Variants in TDRD3 observed in about 807,000 individuals in gnomAD.
The protein encoded by TDRD3 is tudor domain-containing protein 3.
In TDRD3, 45 loss-of-function variants were observed where a neutral mutation model predicts 86.7. The observed-to-expected ratio is 0.52, with a 90% CI of 0.41 to 0.67. The LOEUF is 0.67. TDRD3 is among the 30% of genes least tolerant of loss of function. The probability of loss-of-function intolerance (pLI) is 0.00; values close to 1 mark genes in which losing one functional copy is unlikely to be tolerated. For missense variants in TDRD3, 814 were observed against 889.0 expected, an observed-to-expected ratio of 0.92 and a Z score of 1.07; for synonymous variants, 298 against 301.7, an observed-to-expected ratio of 0.99 and a Z score of 0.13.
intron 10 of TDRD3, among the ~76,000 whole-genome samples, chr13:60,513,054 G>A (rs1957093927): frequency 6.6e-6 from 1 of 152,226 alleles, no homozygotes; most frequent in African/African-American, 2.4e-5. Flanking sequence ...TGGCATTCAG[G>A]CATTTTCATA....
intron 1 of TDRD3, among the ~76,000 whole-genome samples, chr13:60,410,575 C>T (rs922925823): frequency 6.6e-6 from 1 of 152,182 alleles, no homozygotes; most frequent in Admixed American, 6.5e-5. Context: ...GGGGCCTCTA[C>T]TCCTAGGAAT....
At chr13:60,530,370 G>A (rs923951088) in intron 11 of TDRD3, among the ~76,000 whole-genome samples, 12 of 152,134 alleles carry the variant, frequency 7.9e-5, no homozygotes, top group African/African-American at 1.9e-4. Context: ...TAGTAAAAAC[G>A]TATGTAAGGG....
chr13:60,482,757 T>A (rs904844880), intron 5 of TDRD3, among the ~76,000 whole-genome samples: 5 of 152,104 alleles, frequency 3.3e-5, no homozygotes, highest in Non-Finnish European at 7.4e-5. Flanking sequence ...CTGTCGTTAC[T>A]CTTAATTATC....
At chr13:60,471,071 A>G (rs952880913) in intron 5 of TDRD3, among the ~76,000 whole-genome samples, 2 of 152,166 alleles carry the variant, frequency 1.3e-5, no homozygotes, top group Admixed American at 1.3e-4. Context: ...ATCAATTCCT[A>G]CTAACATAAT....
chr13:60,513,240 A>C (rs1957097217), intron 10 of TDRD3, among the ~76,000 whole-genome samples: 1 of 152,130 alleles, frequency 6.6e-6, no homozygotes, highest in South Asian at 2.1e-4. Flanking sequence ...GATGCAGGGC[A>C]CCAAGTCCCT....
intron 2 of TDRD3, 119 bp from the exon 3 acceptor site, chr13:60,444,555 ATCTCATGAC>A: frequency 1.9e-6 from 1 of 528,838 alleles, no homozygotes; most frequent in East Asian, 3.5e-5. Context: ...ATACATGTAG[ATCTCATGAC>A]CAGTTAAACT....
intron 7 of TDRD3, among the ~76,000 whole-genome samples, chr13:60,493,014 G>T (rs1008148389): frequency 6.7e-6 from 1 of 149,198 alleles, no homozygotes; most frequent in Non-Finnish European, 1.5e-5. Flanking sequence ...CGCCTCCCAG[G>T]TTCATGCCAT....
At chr13:60,569,588 T>TGG (rs1335739617) in intron 13 of TDRD3, among the ~76,000 whole-genome samples, 1 of 152,130 alleles carries the variant, frequency 6.6e-6, no homozygotes, top group East Asian at 1.9e-4. Flanking sequence ...AAAATTTATA[T>TGG]GGAACCACAA....
At chr13:60,407,345 G>A (rs1243949759) in intron 1 of TDRD3, among the ~76,000 whole-genome samples, 1 of 152,116 alleles carries the variant, frequency 6.6e-6, no homozygotes, top group East Asian at 1.9e-4. Context: ...TCATCATTTT[G>A]CTTTTGTGTC....
At chr13:60,562,183 C>T (rs117764906) in intron 12 of TDRD3, among the ~76,000 whole-genome samples, 8 of 151,958 alleles carry the variant, frequency 5.3e-5, no homozygotes, top group Admixed American at 3.3e-4. Flanking sequence ...TTTGGTGGTG[C>T]GTGCCTGTAA....
At chr13:60,510,956 C>G (rs1005083661) in intron 10 of TDRD3, among the ~76,000 whole-genome samples, 1 of 152,078 alleles carries the variant, frequency 6.6e-6, no homozygotes, top group Admixed American at 6.6e-5. Context: ...TGCCCCCTAA[C>G]TGGGATTAGT....
rs574753545 is a variant in TDRD3 at position 60,427,001 on chromosome 13, G to A, written c.42-12687G>A. On this transcript the variant is annotated intron_variant, in intron 1 of 13. Transcript: ENST00000377881. ...TGTAACACAATTTAGTATTGTGTACGTATTTATGTATTTAAACATATTTGT... is the reference window on the plus strand; with the variant it reads ...TGTAACACAATTTAGTATTGTGTACATATTTATGTATTTAAACATATTTGT... Among the ~76,000 whole-genome samples, 23 of 152,114 alleles carry A rather than the reference G, an allele frequency of 1.5e-4. No homozygotes were observed. The South Asian group carries it at 3.5e-3, about 23-fold the overall frequency.
chr13:60,417,195 A>G (rs1293459827), intron 1 of TDRD3, among the ~76,000 whole-genome samples: 1 of 151,550 alleles, frequency 6.6e-6, no homozygotes, highest in African/African-American at 2.4e-5. Flanking sequence ...TTTTTATTTT[A>G]GTAGAGATGG....
At chr13:60,484,865 A>T (rs1230750994) in intron 6 of TDRD3, 1 of 305,210 alleles carries the variant, frequency 3.3e-6, no homozygotes, top group East Asian at 9.0e-5. Context: ...TTACCCTTAA[A>T]CATTTTGGTG....
At chr13:60,421,708 C>A (rs1362354374) in intron 1 of TDRD3, among the ~76,000 whole-genome samples, 1 of 152,222 alleles carries the variant, frequency 6.6e-6, no homozygotes, top group South Asian at 2.1e-4. Flanking sequence ...CTATCAAAGA[C>A]CTGTGAGTAA....
At chr13:60,431,125 G>C (rs1413894626) in intron 1 of TDRD3, among the ~76,000 whole-genome samples, 1 of 151,928 alleles carries the variant, frequency 6.6e-6, no homozygotes, top group Admixed American at 6.6e-5. Flanking sequence ...AACCCTGAGT[G>C]ATCTTTATAT....
chr13:60,397,512 G>A lies in TDRD3; in HGVS notation c.41+107G>A, dbSNP rs1566161159. The A allele has an allele frequency of 6.2e-6, 6 of 961,758 alleles. No homozygotes were observed. The South Asian group carries it at 9.6e-5, about 15-fold the overall frequency. The allele number at this position is 961,758 out of a possible 1,614,324, so 59.6% of individuals were successfully genotyped here. On this transcript the variant is annotated intron_variant, in intron 1 of 13. Coordinates refer to ENST00000377881, the MANE Select transcript of TDRD3 (RefSeq NM_001146070.2). The stretch of plus-strand genomic sequence containing the variant: ...CGTGTCGGGGTAGGCGGAGGCTGTC[G>A]TCCGCCCCCGGCCTCTCCCCGGGCC...
intron 5 of TDRD3, among the ~76,000 whole-genome samples, chr13:60,481,415 A>G (rs1443327161): frequency 6.7e-6 from 1 of 148,366 alleles, no homozygotes; most frequent in East Asian, 2.0e-4. Context: ...TTTTCCAACC[A>G]GTCACTGAAG....
rs1018405646 is a variant in TDRD3 at position 60,399,147 on chromosome 13, A to G, written c.41+1742A>G. Among the ~76,000 whole-genome samples, 18 of 152,278 alleles carry G rather than the reference A, an allele frequency of 1.2e-4. No individual in the cohort carries two copies. In the South Asian group the frequency reaches 2.5e-3, roughly 21 times the overall value. ...TTCTCCTTATCTGGATTGTCAAGAA[A>G]TGCACCAGATTGTAGGTTCTCTGTA... On this transcript the variant is annotated intron_variant, in intron 1 of 13. Coordinates refer to ENST00000377881, the MANE Select transcript of TDRD3 (RefSeq NM_001146070.2).
Sources: allele counts gnomAD v4.1 joint callset (sites outside exome capture counted in the v4.1 genomes callset), GRCh38; gene constraint gnomAD v4.1.1; transcripts MANE v1.5; gene names NCBI Gene and HGNC (gene_info 2026-07-23, HGNC 2026-07-21).